The following TBC1D32 variants were observed in gnomAD, a reference collection of about 807,000 sequenced individuals.
TBC1D32 encodes TBC1 domain family member 32, also known as protein broad-minded.
TBC1D32 carries 151 observed loss-of-function variants against 170.3 expected under a neutral mutation model. The ratio of observed to expected loss-of-function variants is 0.89; its 90% CI spans 0.78 to 1.01. TBC1D32 has a LOEUF of 1.01. Ranked by LOEUF, TBC1D32 falls within the 50% of genes least tolerant of loss-of-function variation. The pLI is 0.00. For missense variants in TBC1D32, 1,464 were observed against 1,457.1 expected, an observed-to-expected ratio of 1.00 and a Z score of -0.08; for synonymous variants, 498 against 488.0, an observed-to-expected ratio of 1.02 and a Z score of -0.27.
intron 22 of TBC1D32, among the ~76,000 whole-genome samples, chr6:121,179,978 A>G (rs1196808616): frequency 1.3e-5 from 2 of 152,152 alleles, no homozygotes; most frequent in Admixed American, 1.3e-4. Context: ...ATATTGTCAC[A>G]CATTATAATA....
chr6:121,256,239 CGA>C lies in TBC1D32; in HGVS notation c.1778_1779del (p.Leu593ArgfsTer2). 1 of 1,613,518 alleles carries C rather than the reference CGA, an allele frequency of 6.2e-7. No homozygotes were observed. Among genetic ancestry groups the C allele is most frequent in the Non-Finnish European group, 8.5e-7 (1 of 1,179,856 alleles). ...CCAGAAAATATAGAAATATCTTCAT[CGA>C]GAAGTTTTTTCGAAAACTGGGCAAT... ...HIIAQFSKKL[L>X]DEDISIFSGS... On this transcript the variant is annotated frameshift_variant, in exon 16 of 32. Transcript: ENST00000398212. LOFTEE classifies it high-confidence loss of function.
intron 17 of TBC1D32, among the ~76,000 whole-genome samples, chr6:121,246,240 C>T (rs2128372641): frequency 6.6e-6 from 1 of 152,282 alleles, no homozygotes; most frequent in East Asian, 1.9e-4. Context: ...ACTACTACAA[C>T]TGGCATCTGG....
chr6:121,325,126 C>T (rs778151567), intron 1 of TBC1D32, among the ~76,000 whole-genome samples: 1 of 151,178 alleles, frequency 6.6e-6, no homozygotes, highest in African/African-American at 2.4e-5. Flanking sequence ...GCAGGAGAAT[C>T]GCTTGAGCCC....
At chr6:121,108,044 A>T (rs534214616) in intron 29 of TBC1D32, among the ~76,000 whole-genome samples, 1 of 152,220 alleles carries the variant, frequency 6.6e-6, no homozygotes, top group East Asian at 1.9e-4. Context: ...GATGCTCAAC[A>T]TATTATTGAC....
intron 30 of TBC1D32, chr6:121,096,296 C>G: frequency 6.6e-6 from 1 of 151,370 alleles, no homozygotes; most frequent in Non-Finnish European, 1.5e-5. Flanking sequence ...TTTAGAAAAC[C>G]CCACCATCTC....
chr6:121,196,596 T>C (rs1368384384), intron 22 of TBC1D32, among the ~76,000 whole-genome samples: 1 of 152,196 alleles, frequency 6.6e-6, no homozygotes, highest in Non-Finnish European at 1.5e-5. Flanking sequence ...GCATTGCCTC[T>C]GACCAAGGCA....
intron 2 of TBC1D32, among the ~76,000 whole-genome samples, chr6:121,321,239 C>T (rs1809655973): frequency 6.6e-6 from 1 of 152,092 alleles, no homozygotes; most frequent in South Asian, 2.1e-4. Flanking sequence ...GCAAGTTATG[C>T]AAATATTTAG....
intron 21 of TBC1D32, among the ~76,000 whole-genome samples, chr6:121,217,996 C>T (rs1794040501): frequency 6.6e-6 from 1 of 152,148 alleles, no homozygotes; most frequent in Non-Finnish European, 1.5e-5. Flanking sequence ...AAGGAGAAAA[C>T]ATTACATTCA....
In TBC1D32 at chr6:121,192,844, TTGTC is replaced by T. The variant is rs148115852; in HGVS notation, c.2570+12227_2570+12230del. Among the ~76,000 whole-genome samples the T allele has an allele frequency of 6.4e-3, 981 of 152,276 alleles. 8 individuals carry two copies. Among genetic ancestry groups the T allele is most frequent in the African/African-American group, 0.023 (941 of 41,548 alleles). ...CATGCTGCCATCAGTCTTTCCATCT[TTGTC>T]TGAGGAGACAAACCTTGTGCTACCT... On this transcript the variant is annotated intron_variant, in intron 22 of 31. Coordinates refer to ENST00000398212, the MANE Select transcript of TBC1D32 (RefSeq NM_152730.6).
At chr6:121,083,491 T>C (rs1222361959) in intron 31 of TBC1D32, among the ~76,000 whole-genome samples, 1 of 152,102 alleles carries the variant, frequency 6.6e-6, no homozygotes, top group East Asian at 1.9e-4. Context: ...AACCACAATG[T>C]TGGATGTATT....
chr6:121,138,945 C>T (rs1325203266), intron 24 of TBC1D32, among the ~76,000 whole-genome samples: 1 of 151,682 alleles, frequency 6.6e-6, no homozygotes, highest in Non-Finnish European at 1.5e-5. Flanking sequence ...CCCGGGTTCA[C>T]GCCATTCTCC....
chr6:121,314,534 G>A (rs1053351895), intron 3 of TBC1D32, among the ~76,000 whole-genome samples: 12 of 151,992 alleles, frequency 7.9e-5, no homozygotes, highest in Non-Finnish European at 1.6e-4. Flanking sequence ...TGTCAGGCAA[G>A]AGTAATAGGT....
intron 24 of TBC1D32, among the ~76,000 whole-genome samples, chr6:121,140,626 A>G (rs1446638161): frequency 6.6e-6 from 1 of 152,096 alleles, no homozygotes; most frequent in Non-Finnish European, 1.5e-5. Context: ...CAAGTAAGAT[A>G]CTGAAGCTAT....
At chr6:121,089,600 T>C (rs1776603023) in intron 31 of TBC1D32, among the ~76,000 whole-genome samples, 2 of 152,212 alleles carry the variant, frequency 1.3e-5, no homozygotes, top group Non-Finnish European at 2.9e-5. Context: ...TGCAATCATT[T>C]TTCTCAGCAT....
Position 121,256,125 on chromosome 6 carries a change from T to C in TBC1D32, c.1894A>G (p.Thr632Ala), listed in dbSNP as rs1798974908. ...GCTATAGATTCATGCAAATTATAAGTGATTAACACCTGCAAACCTTCACAT... is the reference window on the plus strand; with the variant it reads ...GCTATAGATTCATGCAAATTATAAGCGATTAACACCTGCAAACCTTCACAT... ...STCEGLQVLI[T>A]YNLHESIAKA... Residue 632 changes from threonine to alanine, a missense_variant, in exon 16 of 32, where the codon ACT becomes GCT. By Grantham distance (58) the Thr-to-Ala change is moderately conservative. Coordinates refer to ENST00000398212, the MANE Select transcript of TBC1D32 (RefSeq NM_152730.6). 2 of 1,613,766 alleles carry C rather than the reference T, an allele frequency of 1.2e-6. No individual in the cohort carries two copies. Among genetic ancestry groups the C allele is most frequent in the Non-Finnish European group, 1.7e-6 (2 of 1,179,958 alleles).
intron 3 of TBC1D32, among the ~76,000 whole-genome samples, chr6:121,311,505 G>A (rs1420428654): frequency 2.0e-5 from 3 of 152,062 alleles, no homozygotes; most frequent in Non-Finnish European, 2.9e-5. Flanking sequence ...CAAGGCGGGC[G>A]GATCACGAGG....
intron 22 of TBC1D32, among the ~76,000 whole-genome samples, chr6:121,181,712 T>C (rs1788536004): frequency 6.6e-6 from 1 of 152,128 alleles, no homozygotes; most frequent in South Asian, 2.1e-4. Context: ...ATGGCCAAGA[T>C]ATGGAATCAG....
At chr6:121,319,415 C>T (rs1017963250) in intron 2 of TBC1D32, among the ~76,000 whole-genome samples, 3 of 152,098 alleles carry the variant, frequency 2.0e-5, no homozygotes, top group African/African-American at 7.2e-5. Context: ...CAAAACAGTG[C>T]CCTGGCAGCA....
rs1285343683 is a variant in TBC1D32, at chr6:121,317,527, TG to T, written c.462del (p.Asp154GlufsTer10). On this transcript the variant is annotated frameshift_variant, in exon 3 of 32. Coordinates refer to ENST00000398212, the MANE Select transcript of TBC1D32 (RefSeq NM_152730.6). LOFTEE classifies it high-confidence loss of function. ...AATGATGAATCACTATCAGAGCAAT[TG>T]TCTGTGCGGTAACTATGGCTTTTCT... ...QKEKSHSYRT[D>X]NCSDSDSSLN... 6.2e-7 allele frequency: 1 copy of T among 1,610,984 alleles called. No individual in the cohort carries two copies. The highest frequency in any genetic ancestry group is 8.5e-7 in the Non-Finnish European group (1 of 1,178,730).
Sources: allele counts gnomAD v4.1 joint callset (sites outside exome capture counted in the v4.1 genomes callset), GRCh38; gene constraint gnomAD v4.1.1; transcripts MANE v1.5; gene names NCBI Gene and HGNC (gene_info 2026-07-23, HGNC 2026-07-21).